The following PLK1 variants were observed in gnomAD, a reference collection of about 807,000 sequenced individuals.
PLK1 encodes the protein polo like kinase 1, also known as serine/threonine-protein kinase PLK1.
PLK1 carries 6 observed loss-of-function variants against 56.7 expected under a neutral mutation model. The observed-to-expected ratio is 0.11, with a 90% CI of 0.06 to 0.21. The LOEUF (loss-of-function observed/expected upper bound fraction) is 0.21, where lower values mean the gene tolerates loss of function less well. PLK1 is among the 10% of genes least tolerant of loss of function. The probability of loss-of-function intolerance (pLI) is 1.00; values close to 1 mark genes in which losing one functional copy is unlikely to be tolerated. For missense variants in PLK1, 546 were observed against 814.4 expected (o/e 0.67, Z 4.01); for synonymous variants, 298 against 325.0 (o/e 0.92, Z 0.89).
In PLK1 at chr16:23,679,258, C is replaced by T. The variant is rs759137799; in HGVS notation, c.326C>T (p.Ala109Val). 6.2e-7 allele frequency: 1 copy of T among 1,614,096 alleles called. No homozygotes were observed. Among genetic ancestry groups the T allele is most frequent in the Non-Finnish European group, 8.5e-7 (1 of 1,180,020 alleles). Residue 109 changes from alanine (A) to valine (V), a missense_variant, in exon 1 of 10, where the codon GCC (alanine) becomes GTC (valine). Physicochemically the swap from Ala to Val is moderately conservative, Grantham distance 64 (BLOSUM62 0). Transcript: ENST00000300093. ...GAAATATCCATTCACCGCAGCCTCG[C>T]CCACCAGCACGTCGTAGGATTCCAC... is the stretch of plus-strand genomic sequence containing the variant. The part of the protein sequence containing the change: ...SMEISIHRSL[A>V]HQHVVGFHGF...
chr16:23,687,881 C>T (rs1266642187), intron 6 of PLK1: 1 of 283,248 alleles, frequency 3.5e-6, no homozygotes, highest in African/African-American at 2.2e-5. Context: ...CCTATTGTAT[C>T]TTCAAGACCC....
rs200774552 is a variant in PLK1, at chr16:23,689,655, C to T, written c.1587C>T (p.Ser529=). Residue 529 remains serine (S), a synonymous_variant, in exon 9 of 10, where the codon AGC becomes AGT. Coordinates refer to ENST00000300093, the MANE Select transcript of PLK1 (RefSeq NM_005030.6). The surrounding 1 kb of genome is among the most constrained non-coding windows in gnomAD (Gnocchi z 4.8). The part of the protein sequence containing the change: ...SAIILHLSNG[S]VQINFFQDHT... ...TCATCCTGCACCTCAGCAACGGCAG[C>T]GTGCAGATCAACTTCTTCCAGGTGA... is the stretch of plus-strand genomic sequence containing the variant. The T allele has an allele frequency of 1.2e-5, 19 of 1,606,928 alleles. No homozygotes were observed. In the East Asian group the frequency reaches 1.3e-4, roughly 11 times the overall value.
chr16:23,688,522 C>A (rs950218297), intron 6 of PLK1, 146 bp from the exon 7 acceptor site: 1 of 673,784 alleles, frequency 1.5e-6, no homozygotes, highest in Non-Finnish European at 2.7e-6. Context: ...CCCTGCTTTG[C>A]TCTTCTCTGG....
intron 3 of PLK1, 51 bp from the exon 4 acceptor site, chr16:23,682,013 G>A (rs1959338001): frequency 1.1e-6 from 1 of 938,300 alleles, no homozygotes; most frequent in South Asian, 1.3e-5. Flanking sequence ...TTTCTCTCAT[G>A]TCTGGGTTGT....
In PLK1 at chr16:23,690,246, G is replaced by T. The variant is rs2141002097; in HGVS notation, c.*183G>T. 1.6e-6 allele frequency: 1 copy of T among 611,958 alleles called. No homozygotes were observed. The highest frequency in any genetic ancestry group is 2.7e-5 in the East Asian group (1 of 36,738). The allele number at this position is 611,958 out of a possible 1,614,324, so 37.9% of individuals were successfully genotyped here. A position where few individuals can be genotyped will look rare whatever the true frequency, so the allele number is the denominator to read the frequency against. On this transcript the variant is annotated 3_prime_UTR_variant, in exon 10 of 10. Transcript: ENST00000300093. The stretch of plus-strand genomic sequence containing the variant: ...GTTATTTTTGTACATGTTCGGGTGT[G>T]GGTTCTACAGCCTTGTCCCCCTCCC...
In PLK1 at chr16:23,686,400, A is replaced by G. The variant is rs148335715; in HGVS notation, c.1037-1069A>G. 6.5e-3 allele frequency among the ~76,000 whole-genome samples: 997 copies of G among 152,244 alleles called. 14 individuals are homozygous for G. The highest frequency in any genetic ancestry group is 0.023 in the African/African-American group (961 of 41,538). On this transcript the variant is annotated intron_variant, in intron 5 of 9. Transcript: ENST00000300093. ...GTATGATGAGTCCCATGTTTCATCT[A>G]TTTTTACTAGTTATCAACATTTGGA... is the stretch of plus-strand genomic sequence containing the variant.
rs114601938 is a variant in PLK1, at chr16:23,690,301, A to T, written c.*238A>T. On this transcript the variant is annotated 3_prime_UTR_variant, in exon 10 of 10. Transcript: ENST00000300093. ...AACCCCACCATATGAATTGTACAGA[A>T]TATTTCTATTGAATTCGGAACTGTC... is the stretch of plus-strand genomic sequence containing the variant. 1.7e-6 allele frequency: 1 copy of T among 588,008 alleles called. No homozygotes were observed. The highest frequency in any genetic ancestry group is 3.1e-6 in the Non-Finnish European group (1 of 327,650). The allele number at this position is 588,008 out of a possible 1,614,324, so 36.4% of individuals were successfully genotyped here.
intron 4 of PLK1, among the ~76,000 whole-genome samples, chr16:23,683,215 A>G (rs1435828988): frequency 6.6e-6 from 1 of 151,476 alleles, no homozygotes; most frequent in Non-Finnish European, 1.5e-5. Flanking sequence ...GATGGTCTCG[A>G]TCTCCTGACC....
Position 23,679,056 on chromosome 16 carries a change from G to C in PLK1, c.124G>C (p.Glu42Gln). ...AAAPPAKEIP[E>Q]VLVDPRSRRR... ...GGCTCCACCGGCGAAAGAGATCCCG[G>C]AGGTCCTAGTGGACCCACGCAGCCG... The change falls in exon 1 of 10, where the codon GAG becomes CAG. Residue 42 changes from glutamate (E) to glutamine (Q), a missense_variant. Glu to Gln is a conservative substitution (Grantham distance 29, BLOSUM62 2). Around this residue, in one of 7 missense-constraint regions of PLK1, gnomAD observed 72 missense variants for 63.7 expected, o/e 1.13. Transcript: ENST00000300093. 1.2e-6 allele frequency: 2 copies of C among 1,607,806 alleles called. No homozygotes were observed. The highest frequency in any genetic ancestry group is 1.7e-6 in the Non-Finnish European group (2 of 1,175,896).
intron 2 of PLK1, among the ~76,000 whole-genome samples, chr16:23,680,694 G>A (rs745755316): frequency 6.6e-6 from 1 of 152,192 alleles, no homozygotes; most frequent in Non-Finnish European, 1.5e-5. Context: ...TCAAAGCATA[G>A]CCCCTTTCTA....
chr16:23,686,575 C>T (rs1309019407), intron 5 of PLK1, among the ~76,000 whole-genome samples: 1 of 152,164 alleles, frequency 6.6e-6, no homozygotes, highest in African/African-American at 2.4e-5. Context: ...TCACTGCAGC[C>T]TCCACCTCCT....
At chr16:23,684,177 A>C in intron 5 of PLK1, 88 bp downstream of exon 5, 1 of 1,014,784 alleles carries the variant, frequency 9.9e-7, no homozygotes, top group Non-Finnish European at 1.5e-6. Context: ...TGGCCCTGAG[A>C]GCTCAGGTGT....
At chr16:23,686,477 A>T (rs1431853843) in intron 5 of PLK1, among the ~76,000 whole-genome samples, 1 of 151,942 alleles carries the variant, frequency 6.6e-6, no homozygotes, top group African/African-American at 2.4e-5. Flanking sequence ...CCGGTGTTTT[A>T]AAAAATTATT....
intron 3 of PLK1, among the ~76,000 whole-genome samples, chr16:23,681,405 C>T (rs1416619743): frequency 6.6e-6 from 1 of 152,198 alleles, no homozygotes; most frequent in Non-Finnish European, 1.5e-5. Flanking sequence ...GGATCAGAAT[C>T]TGGATTTTTA....
rs1455111947 is a variant in PLK1, at chr16:23,689,214, A to G, written c.1271-24A>G. The stretch of plus-strand genomic sequence containing the variant: ...CCCCACTTTCTATTCCCCCTTTCTG[A>G]GACCTCTCTCCACCGATCCCTAGGG... On this transcript the variant is annotated intron_variant, in intron 7 of 9. Coordinates refer to ENST00000300093, the MANE Select transcript of PLK1 (RefSeq NM_005030.6). This position sits in a 1 kb window ranked among gnomAD's most constrained non-coding sequence, Gnocchi z 4.8. The G allele has an allele frequency of 1.9e-6, 3 of 1,591,192 alleles. No homozygotes were observed. The highest frequency in any genetic ancestry group is 2.6e-6 in the Non-Finnish European group (3 of 1,162,092).
At position 23,680,156 on chromosome 16, in the gene PLK1, G is replaced by T. The variant is rs1396712472; in HGVS notation, c.481G>T (p.Val161Leu). 6.2e-7 allele frequency: 1 copy of T among 1,613,850 alleles called. No homozygotes were observed. The highest frequency in any genetic ancestry group is 2.2e-5 in the East Asian group (1 of 44,868). ...PEARYYLRQI[V>L]LGCQYLHRNR... ...GGCCCGATACTACCTACGGCAAATT[G>T]TGCTTGGCTGCCAGTACCTGCACCG... Residue 161 changes from valine (V) to leucine (L), a missense_variant, in exon 2 of 10, where the codon GTG becomes TTG. Transcript: ENST00000300093.
intron 3 of PLK1, 141 bp from the exon 4 acceptor site, chr16:23,681,923 C>T: frequency 1.6e-6 from 1 of 618,924 alleles, no homozygotes; most frequent in Non-Finnish European, 2.9e-6. Context: ...GCTCAGTGGA[C>T]TTAGGGATTG....
chr16:23,689,805 C>T lies in PLK1; in HGVS notation c.1609-55C>T. On this transcript the variant is annotated intron_variant, in intron 9 of 9. Transcript: ENST00000300093. The surrounding 1 kb of genome is among the most constrained non-coding windows in gnomAD (Gnocchi z 4.8). ...TAACCTGTTGTGTCTTCCCTCTACT[C>T]CCTAACATACACTGGCCTCTGGGAT... The T allele has an allele frequency of 1.3e-6, 2 of 1,555,126 alleles. No individual in the cohort carries two copies. Among genetic ancestry groups the T allele is most frequent in the Non-Finnish European group, 1.8e-6 (2 of 1,129,148 alleles).
At chr16:23,682,500 T>C (rs1291335493) in intron 4 of PLK1, among the ~76,000 whole-genome samples, 8 of 150,786 alleles carry the variant, frequency 5.3e-5, no homozygotes, top group African/African-American at 1.5e-4. Flanking sequence ...CTTAGCGAGA[T>C]CACATTGGGC....
Sources: allele counts gnomAD v4.1 joint callset (sites outside exome capture counted in the v4.1 genomes callset), GRCh38; gene constraint gnomAD v4.1.1; regional missense constraint gnomAD v4.1.1; non-coding constraint Gnocchi (gnomAD v3.1); transcripts MANE v1.5; gene names NCBI Gene and HGNC (gene_info 2026-07-23, HGNC 2026-07-21).